Variants in NME5 observed in about 807,000 individuals in gnomAD.
NME5 encodes the protein NME/NM23 family member 5, also known as nucleoside diphosphate kinase 5.
NME5 carries 18 observed loss-of-function variants against 21.6 expected under a neutral mutation model. The observed-to-expected ratio is 0.83, with a 90% CI of 0.58 to 1.24. The LOEUF is 1.24. Ranked by LOEUF, NME5 falls within the 50% of genes most tolerant of loss-of-function variation. NME5 has a pLI of 0.00. For synonymous variants in NME5, 70 were observed against 80.6 expected, an observed-to-expected ratio of 0.87 and a Z score of 0.71; for missense variants, 223 against 255.4, an observed-to-expected ratio of 0.87 and a Z score of 0.86.
chr5:138,117,249 G>GA (rs1280836228), intron 5 of NME5, among the ~76,000 whole-genome samples: 1 of 110,046 alleles, frequency 9.1e-6, no homozygotes, highest in Non-Finnish European at 2.0e-5. Context: ...AATCTTAAAA[G>GA]AAAACATAAA....
Position 138,115,574 on chromosome 5 carries a change from A to T in NME5, c.*107T>A. ...ACACTTATTTTTAAGAAATAAATTT[A>T]TTTTACTTGTAGTTACTTAAACCCT... is the stretch of plus-strand genomic sequence containing the variant. On this transcript the variant is annotated 3_prime_UTR_variant, in exon 6 of 6. Coordinates refer to ENST00000265191, the MANE Select transcript of NME5 (RefSeq NM_003551.3). The T allele has an allele frequency of 1.7e-6, 1 of 582,002 alleles. No homozygotes were observed. The highest frequency in any genetic ancestry group is 3.1e-5 in the South Asian group (1 of 32,130). 36.1% of individuals were successfully genotyped at this position (582,002 alleles called of 1,614,324 possible).
At chr5:138,121,859 A>C (rs903694053) in intron 4 of NME5, among the ~76,000 whole-genome samples, 1 of 151,948 alleles carries the variant, frequency 6.6e-6, no homozygotes, top group African/African-American at 2.4e-5. Context: ...ATTTTCTTTA[A>C]ATTTTTTTTT....
chr5:138,122,283 A>G (rs1751301229), intron 4 of NME5, among the ~76,000 whole-genome samples: 2 of 151,700 alleles, frequency 1.3e-5, no homozygotes, highest in South Asian at 4.2e-4. Flanking sequence ...TACTAAAAAT[A>G]CAAAAAATTA....
At chr5:138,122,441 T>TAAAAAAAAAAAAAAAAAAAAAAAA in intron 4 of NME5, among the ~76,000 whole-genome samples, 30 of 34,462 alleles carry the variant, frequency 8.7e-4, no homozygotes, top group South Asian at 5.3e-3. Flanking sequence ...ACTCTGTCTC[T>TAAAAAAAAAAAAAAAAAAAAAAAA]AAAAAAAAAA....
intron 2 of NME5, among the ~76,000 whole-genome samples, chr5:138,131,439 C>G (rs1482015449): frequency 6.6e-6 from 1 of 151,300 alleles, no homozygotes; most frequent in Non-Finnish European, 1.5e-5. Context: ...ATCCCAGCTA[C>G]TCAGGAGGCT....
chr5:138,131,048 T>C (rs1389893354), intron 2 of NME5, among the ~76,000 whole-genome samples: 4 of 151,350 alleles, frequency 2.6e-5, no homozygotes, highest in Non-Finnish European at 5.9e-5. Flanking sequence ...CTAGCCAACA[T>C]GGTGAAACCC....
At chr5:138,136,497 T>G (rs969785097) in intron 2 of NME5, among the ~76,000 whole-genome samples, 2 of 152,144 alleles carry the variant, frequency 1.3e-5, no homozygotes, top group Admixed American at 1.3e-4. Flanking sequence ...ATTTTTATCT[T>G]TTTCTAGGAG....
chr5:138,120,960 C>T (rs1751273813), intron 4 of NME5, among the ~76,000 whole-genome samples: 3 of 152,114 alleles, frequency 2.0e-5, no homozygotes, highest in African/African-American at 7.2e-5. Context: ...AGAACACTTA[C>T]ATTAGCCTAC....
At chr5:138,138,321 A>G (rs1233026890) in intron 2 of NME5, 2 of 217,822 alleles carry the variant, frequency 9.2e-6, no homozygotes, top group African/African-American at 2.4e-5. Context: ...GACTCTGTAA[A>G]GGGGTCAAGG....
rs70979583 is a variant in NME5 at position 138,123,985 on chromosome 5, C to CTTTTTT, written c.436+4488_436+4493dup. ...CCCTGATGATTAGTGATTTTGAGCA[C>CTTTTTT]TTTTTTTTTTTTTTTTTTTTTTTTT... On this transcript the variant is annotated intron_variant, in intron 4 of 5. Coordinates refer to ENST00000265191, the MANE Select transcript of NME5 (RefSeq NM_003551.3). Among the ~76,000 whole-genome samples, 8 of 37,248 alleles carry CTTTTTT rather than the reference C, an allele frequency of 2.1e-4. 3 individuals are homozygous for CTTTTTT. Among genetic ancestry groups the CTTTTTT allele is most frequent in the Non-Finnish European group, 3.4e-4 (8 of 23,478 alleles). The allele number at this position is 37,248 out of a possible 152,430, so 24.4% of individuals were successfully genotyped here.
intron 2 of NME5, among the ~76,000 whole-genome samples, chr5:138,133,036 G>A (rs1751608712): frequency 6.6e-6 from 1 of 151,764 alleles, no homozygotes; most frequent in Admixed American, 6.6e-5. Context: ...AAAAAGCAGG[G>A]GAACCTACCT....
intron 2 of NME5, among the ~76,000 whole-genome samples, chr5:138,130,026 T>G (rs1751525392): frequency 6.6e-6 from 1 of 152,192 alleles, no homozygotes; most frequent in African/African-American, 2.4e-5. Flanking sequence ...CTTCTTAAAG[T>G]AAATAACACT....
intron 4 of NME5, among the ~76,000 whole-genome samples, chr5:138,120,228 CTCTT>C (rs1751255214): frequency 2.5e-5 from 1 of 40,394 alleles, no homozygotes; most frequent in African/African-American, 6.6e-5. Context: ...CTGCTCCCAG[CTCTT>C]TTTTTTTTTT....
chr5:138,132,878 A>C (rs981238260), intron 2 of NME5, among the ~76,000 whole-genome samples: 25 of 152,338 alleles, frequency 1.6e-4, no homozygotes, highest in African/African-American at 5.8e-4. Flanking sequence ...CACCTGATTT[A>C]GCATAATCCT....
chr5:138,138,505 T>G (rs888486747), intron 2 of NME5, 147 bp downstream of exon 2: 5 of 639,236 alleles, frequency 7.8e-6, no homozygotes, highest in Admixed American at 3.6e-5. Context: ...TTTTAAAAAC[T>G]ATCACATATA....
intron 2 of NME5, among the ~76,000 whole-genome samples, chr5:138,134,088 T>C (rs1184009179): frequency 1.3e-5 from 2 of 152,194 alleles, no homozygotes; most frequent in Non-Finnish European, 2.9e-5. Flanking sequence ...TATATTTACA[T>C]TAAATTTTTT....
At chr5:138,135,371 G>A (rs1282312834) in intron 2 of NME5, among the ~76,000 whole-genome samples, 1 of 149,508 alleles carries the variant, frequency 6.7e-6, no homozygotes, top group African/African-American at 2.5e-5. Flanking sequence ...GTCTCCCTCT[G>A]TCGCCCAGGC....
At position 138,120,943 on chromosome 5, in the gene NME5, T is replaced by A. The variant is rs898807589; in HGVS notation, c.437-2007A>T. 3.3e-5 allele frequency among the ~76,000 whole-genome samples: 5 copies of A among 152,298 alleles called. No individual in the cohort carries two copies. In the South Asian group the frequency reaches 1.0e-3, roughly 32 times the overall value. ...ATAGCATAGCATAGCCTACTTTAAA[T>A]GTGCTCAGAACACTTACATTAGCCT... On this transcript the variant is annotated intron_variant, in intron 4 of 5. Coordinates refer to ENST00000265191, the MANE Select transcript of NME5 (RefSeq NM_003551.3).
chr5:138,125,760 G>T (rs561044945), intron 4 of NME5, among the ~76,000 whole-genome samples: 1 of 152,166 alleles, frequency 6.6e-6, no homozygotes, highest in African/African-American at 2.4e-5. Context: ...GATTACAAGC[G>T]TGCGCCACCA....
Sources: allele counts gnomAD v4.1 joint callset (sites outside exome capture counted in the v4.1 genomes callset), GRCh38; gene constraint gnomAD v4.1.1; transcripts MANE v1.5; gene names NCBI Gene and HGNC (gene_info 2026-07-23, HGNC 2026-07-21).